LNPEP: variants seen among roughly 807,000 people sequenced by gnomAD.
LNPEP encodes the protein leucyl and cystinyl aminopeptidase.
LNPEP carries 64 observed loss-of-function variants against 120.6 expected under a neutral mutation model. The observed-to-expected ratio is 0.53, with a 90% CI of 0.43 to 0.65. LNPEP has a LOEUF of 0.65. Among genes scored for constraint, LNPEP ranks in the 30% least tolerant of loss-of-function variants. LNPEP has a pLI of 0.00. For synonymous variants in LNPEP, 435 were observed against 425.4 expected (o/e 1.02, Z -0.28); for missense variants, 1,057 against 1,200.0 (o/e 0.88, Z 1.76).
chr5:96,993,119 C>G lies in LNPEP; in HGVS notation c.1236C>G (p.Tyr412Ter). The change falls in exon 5 of 18, where the codon TAC becomes TAG. Residue 412 changes from tyrosine (Y) to a stop codon, truncating the protein, a stop_gained. Coordinates refer to ENST00000231368, the MANE Select transcript of LNPEP (RefSeq NM_005575.3). LOFTEE classifies it high-confidence loss of function. ...EFFQNYFEIQ[Y>*]PLKKLDLVAI... Reference sequence around the variant, plus strand: ...TTCAAAACTACTTTGAAATTCAGTACCCACTTAAGAAATTGGGTAAGAATC... The same window carrying G: ...TTCAAAACTACTTTGAAATTCAGTAGCCACTTAAGAAATTGGGTAAGAATC... 1 of 1,586,988 alleles carries G rather than the reference C, an allele frequency of 6.3e-7. No individual in the cohort carries two copies. Among genetic ancestry groups the G allele is most frequent in the South Asian group, 1.1e-5 (1 of 87,422 alleles).
intron 2 of LNPEP, 125 bp downstream of exon 2, chr5:96,980,103 A>G (rs781613047): frequency 6.3e-5 from 53 of 844,974 alleles, no homozygotes; most frequent in Admixed American, 8.3e-5. Flanking sequence ...TATATACAAA[A>G]TAGTAGAATG....
intron 8 of LNPEP, 57 bp from the exon 9 acceptor site, chr5:97,003,358 G>A (rs117924239): frequency 4.9e-6 from 5 of 1,019,242 alleles, no homozygotes; most frequent in East Asian, 2.7e-5. Flanking sequence ...TTCCCAATTC[G>A]ATAATCTATA....
At chr5:97,018,008 T>G (rs530257679) in intron 13 of LNPEP, among the ~76,000 whole-genome samples, 10 of 152,262 alleles carry the variant, frequency 6.6e-5, no homozygotes, top group African/African-American at 2.4e-4. Context: ...AATTGCCCCA[T>G]TCTTAGATTA....
chr5:96,996,540 A>G, intron 7 of LNPEP, 37 bp downstream of exon 7: 2 of 1,008,966 alleles, frequency 2.0e-6, no homozygotes, highest in Non-Finnish European at 3.1e-6. Flanking sequence ...TATGAATGCT[A>G]GGAGGAAAAA....
rs200199661 is a variant in LNPEP at position 96,993,904 on chromosome 5, G to A, written c.1340G>A (p.Ser447Asn). 6.2e-7 allele frequency: 1 copy of A among 1,613,890 alleles called. No individual in the cohort carries two copies. The highest frequency in any genetic ancestry group is 2.2e-5 in the East Asian group (1 of 44,868). ...CGAGAGGAGACACTTCTGTATGACA[G>A]TAACACTTCTTCAATGGCGGATAGA... is the stretch of plus-strand genomic sequence containing the variant. ...TFREETLLYD[S>N]NTSSMADRKL... Residue 447 changes from serine to asparagine, a missense_variant, in exon 6 of 18, where the codon AGT becomes AAT. Transcript: ENST00000231368.
intron 1 of LNPEP, among the ~76,000 whole-genome samples, 194 bp from the exon 2 acceptor site, chr5:96,978,944 A>T (rs749131753): frequency 2.6e-5 from 4 of 152,148 alleles, no homozygotes; most frequent in Non-Finnish European, 1.5e-5. Context: ...ACTTTTATTT[A>T]TGTTTTAGTT....
At chr5:97,007,327 T>A (rs974459324) in intron 11 of LNPEP, among the ~76,000 whole-genome samples, 1 of 152,172 alleles carries the variant, frequency 6.6e-6, no homozygotes, top group Admixed American at 6.5e-5. Context: ...GGTTCAATTC[T>A]TAGCAGTACC....
intron 1 of LNPEP, among the ~76,000 whole-genome samples, chr5:96,958,954 G>A (rs759265464): frequency 3.3e-5 from 5 of 149,808 alleles, no homozygotes; most frequent in South Asian, 4.2e-4. Flanking sequence ...TCAGCCTTCC[G>A]AGTAGGGATT....
In LNPEP at chr5:97,029,978, A is replaced by G. The variant is rs1219209807; in HGVS notation, c.*1445A>G. 6.6e-6 allele frequency: 1 copy of G among 152,126 alleles called. No homozygotes were observed. Among genetic ancestry groups the G allele is most frequent in the Non-Finnish European group, 1.5e-5 (1 of 67,984 alleles). 9.4% of individuals were successfully genotyped at this position (152,126 alleles called of 1,614,324 possible). On this transcript the variant is annotated 3_prime_UTR_variant, in exon 18 of 18. Transcript: ENST00000231368. ...TATATTTTGTTTGAAAACAGTTTCT[A>G]TGTACATAAAAAGGGTATTTACCCA...
At chr5:96,957,130 T>C (rs1386318593) in intron 1 of LNPEP, among the ~76,000 whole-genome samples, 1 of 152,238 alleles carries the variant, frequency 6.6e-6, no homozygotes, top group African/African-American at 2.4e-5. Context: ...GCGTTTTCCA[T>C]TGAGGATTGT....
chr5:97,009,434 A>G (rs1442029241), intron 11 of LNPEP, among the ~76,000 whole-genome samples: 1 of 152,222 alleles, frequency 6.6e-6, no homozygotes, highest in African/African-American at 2.4e-5. Context: ...TAGTAGGCAC[A>G]CAAAAACTTA....
At chr5:96,988,650 A>G (rs940019827) in intron 4 of LNPEP, among the ~76,000 whole-genome samples, 28 of 151,784 alleles carry the variant, frequency 1.8e-4, no homozygotes, top group African/African-American at 6.5e-4. Context: ...TCACTCTGCC[A>G]CCCAGGCTGG....
intron 6 of LNPEP, among the ~76,000 whole-genome samples, chr5:96,994,340 C>G (rs1031043369): frequency 6.6e-6 from 1 of 152,166 alleles, no homozygotes; most frequent in African/African-American, 2.4e-5. Flanking sequence ...TCTTTTTCCC[C>G]CTCAGTAATA....
At chr5:96,987,712 A>G (rs370052545) in intron 4 of LNPEP, among the ~76,000 whole-genome samples, 8 of 152,218 alleles carry the variant, frequency 5.3e-5, no homozygotes, top group African/African-American at 1.7e-4. Flanking sequence ...AGACTGTAAT[A>G]TTAAGCGCTA....
At chr5:97,022,773 G>T in intron 14 of LNPEP, among the ~76,000 whole-genome samples, 2 of 138,968 alleles carry the variant, frequency 1.4e-5, no homozygotes. Context: ...ATCTCCTAAT[G>T]CTATCCCTCC....
At chr5:96,994,302 C>T (rs1305147551) in intron 6 of LNPEP, among the ~76,000 whole-genome samples, 2 of 152,132 alleles carry the variant, frequency 1.3e-5, no homozygotes, top group Admixed American at 6.5e-5. Context: ...AGCACTGGGC[C>T]ATGAAGAGCC....
At chr5:96,992,506 A>G (rs1427217809) in intron 4 of LNPEP, among the ~76,000 whole-genome samples, 1 of 152,156 alleles carries the variant, frequency 6.6e-6, no homozygotes, top group Non-Finnish European at 1.5e-5. Flanking sequence ...TATGCCTTAT[A>G]TGTTAACTTT....
chr5:96,966,773 T>A (rs1182865430), intron 1 of LNPEP, among the ~76,000 whole-genome samples: 3 of 152,092 alleles, frequency 2.0e-5, no homozygotes, highest in Non-Finnish European at 4.4e-5. Flanking sequence ...AATAATTAGG[T>A]TAGAAGCTTC....
chr5:97,018,924 C>T (rs897256823), intron 13 of LNPEP, among the ~76,000 whole-genome samples: 6 of 152,146 alleles, frequency 3.9e-5, no homozygotes, highest in Non-Finnish European at 8.8e-5. Context: ...AACATCTGAT[C>T]CTAGCCATAT....
Sources: allele counts gnomAD v4.1 joint callset (sites outside exome capture counted in the v4.1 genomes callset), GRCh38; gene constraint gnomAD v4.1.1; transcripts MANE v1.5; gene names NCBI Gene and HGNC (gene_info 2026-07-23, HGNC 2026-07-21).